Variants in SGPP2 observed in about 807,000 individuals in gnomAD.
SGPP2 encodes sphingosine-1-phosphate phosphatase 2, also known as sphingosine 1-phosphate phosphohydrolase 2.
In SGPP2, 30 loss-of-function variants were observed where a neutral mutation model predicts 33.9. That is an observed-to-expected ratio of 0.89 (90% CI 0.66 to 1.20). SGPP2 has a LOEUF of 1.20. Among genes scored for constraint, SGPP2 ranks in the 50% most tolerant of loss-of-function variants. The pLI, the probability that SGPP2 is intolerant of heterozygous loss-of-function variation, is 0.00. For missense variants in SGPP2, 458 were observed against 532.1 expected (o/e 0.86, Z 1.37); for synonymous variants, 233 against 225.0 (o/e 1.04, Z -0.32).
At chr2:222,452,752 G>C (rs560188139) in intron 1 of SGPP2, 10 of 1,450,584 alleles carry the variant, frequency 6.9e-6, no homozygotes, top group Non-Finnish European at 9.7e-6. Context: ...GTGTTCACCA[G>C]GCATTCCTGG....
chr2:222,452,708 G>C, intron 1 of SGPP2: 1 of 1,377,592 alleles, frequency 7.3e-7, no homozygotes. Flanking sequence ...AATTGCTCCA[G>C]GTCTGGTTGC....
intron 1 of SGPP2, among the ~76,000 whole-genome samples, chr2:222,434,492 GA>G (rs1380707860): frequency 6.6e-6 from 1 of 152,138 alleles, no homozygotes; most frequent in Non-Finnish European, 1.5e-5. Context: ...GGAGTCTTGG[GA>G]AAGGGGGCAG....
At chr2:222,424,930 C>G (rs1697038531) in intron 1 of SGPP2, 109 bp downstream of exon 1, 5 of 897,630 alleles carry the variant, frequency 5.6e-6, no homozygotes, top group South Asian at 3.7e-5. Flanking sequence ...GCGCCGTCCC[C>G]GGCAGTGACC....
intron 1 of SGPP2, among the ~76,000 whole-genome samples, chr2:222,451,815 T>C (rs1697493547): frequency 6.6e-6 from 1 of 152,232 alleles, no homozygotes; most frequent in Non-Finnish European, 1.5e-5. Context: ...TGGAAACTCA[T>C]GGCCTAGCAG....
rs531396373 is a variant in SGPP2, at chr2:222,525,910, G to A, written c.648+877G>A. ...TTTATGGGAAATGTGGGAGAGAGGG[G>A]GCAGAAGGGCAGAAGCTGCAGAGCG... On this transcript the variant is annotated intron_variant, in intron 4 of 4. Transcript: ENST00000321276. Among the ~76,000 whole-genome samples, 8 of 152,244 alleles carry A rather than the reference G, an allele frequency of 5.3e-5. No individual in the cohort carries two copies. In the South Asian group the frequency reaches 1.7e-3, roughly 32 times the overall value.
In SGPP2 at chr2:222,454,733, T is replaced by TAA. The variant is rs78696026; in HGVS notation, c.220-19819_220-19818dup. On this transcript the variant is annotated intron_variant, in intron 1 of 4. Coordinates refer to ENST00000321276, the MANE Select transcript of SGPP2 (RefSeq NM_152386.4). ...CAATTGGACCAAACAGTGGAGCTGT[T>TAA]AAAAAAAAAAAAAAAAACAGGCCAA... 6.4e-3 allele frequency among the ~76,000 whole-genome samples: 755 copies of TAA among 117,924 alleles called. 4 individuals carry two copies. The highest frequency in any genetic ancestry group is 0.022 in the Middle Eastern group (5 of 224). The allele number at this position is 117,924 out of a possible 152,430, so 77.4% of individuals were successfully genotyped here.
At chr2:222,503,396 A>G (rs1207012957) in intron 2 of SGPP2, among the ~76,000 whole-genome samples, 3 of 152,212 alleles carry the variant, frequency 2.0e-5, no homozygotes, top group Non-Finnish European at 4.4e-5. Flanking sequence ...AAGTGTTAAG[A>G]GCGTAGATTT....
intron 1 of SGPP2, among the ~76,000 whole-genome samples, chr2:222,428,363 C>T (rs1319815902): frequency 1.3e-5 from 2 of 152,128 alleles, no homozygotes; most frequent in African/African-American, 2.4e-5. Context: ...AAGCCAGCCT[C>T]GTATATAATG....
chr2:222,433,989 G>A (rs1207306972), intron 1 of SGPP2, among the ~76,000 whole-genome samples: 2 of 152,142 alleles, frequency 1.3e-5, no homozygotes, highest in Admixed American at 1.3e-4. Context: ...TCTTGTTACA[G>A]TTTTCGTTAA....
chr2:222,558,998 A>G lies in SGPP2; in HGVS notation c.*100A>G. 8.5e-7 allele frequency: 1 copy of G among 1,178,476 alleles called. No homozygotes were observed. The highest frequency in any genetic ancestry group is 1.2e-6 in the Non-Finnish European group (1 of 835,650). The allele number at this position is 1,178,476 out of a possible 1,614,324, so 73.0% of individuals were successfully genotyped here. On this transcript the variant is annotated 3_prime_UTR_variant, in exon 5 of 5. Coordinates refer to ENST00000321276, the MANE Select transcript of SGPP2 (RefSeq NM_152386.4). ...GACAACTTATTTTTCTTTAACAACA[A>G]CAAAAAGTCATACGGCTGTCTTGCT...
intron 2 of SGPP2, among the ~76,000 whole-genome samples, chr2:222,497,209 A>G (rs1284063281): frequency 6.7e-6 from 1 of 149,706 alleles, no homozygotes; most frequent in Non-Finnish European, 1.5e-5. Context: ...CCAGAAACCA[A>G]CTTTATTTGC....
At chr2:222,436,404 T>C (rs1401249844) in intron 1 of SGPP2, among the ~76,000 whole-genome samples, 2 of 152,134 alleles carry the variant, frequency 1.3e-5, no homozygotes, top group East Asian at 1.9e-4. Flanking sequence ...AATAGTACCA[T>C]ATATTGGACA....
chr2:222,459,294 A>T (rs1175877111), intron 1 of SGPP2, among the ~76,000 whole-genome samples: 2 of 151,662 alleles, frequency 1.3e-5, no homozygotes, highest in African/African-American at 2.4e-5. Context: ...CTACAGGCAC[A>T]TGCCACCACA....
At chr2:222,433,172 C>T (rs990800973) in intron 1 of SGPP2, among the ~76,000 whole-genome samples, 2 of 152,102 alleles carry the variant, frequency 1.3e-5, no homozygotes, top group African/African-American at 4.8e-5. Flanking sequence ...GAAGCTAAGA[C>T]TTGAGTATGG....
chr2:222,497,832 A>C (rs958206414), intron 2 of SGPP2, among the ~76,000 whole-genome samples: 2 of 152,212 alleles, frequency 1.3e-5, no homozygotes, highest in African/African-American at 4.8e-5. Flanking sequence ...GGAAGAGCAG[A>C]AACCTACTTT....
chr2:222,507,557 T>C (rs575162199), intron 2 of SGPP2, among the ~76,000 whole-genome samples: 97 of 152,326 alleles, frequency 6.4e-4, no homozygotes, highest in African/African-American at 2.3e-3. Flanking sequence ...TTTATAGCAA[T>C]GTGAGGGAGG....
intron 1 of SGPP2, among the ~76,000 whole-genome samples, chr2:222,428,396 T>C (rs977539193): frequency 2.6e-5 from 4 of 152,248 alleles, no homozygotes; most frequent in Admixed American, 2.6e-4. Flanking sequence ...CTAACATTTT[T>C]GCTTACTCAA....
intron 2 of SGPP2, among the ~76,000 whole-genome samples, chr2:222,483,854 C>T (rs1698065699): frequency 6.6e-6 from 1 of 152,164 alleles, no homozygotes; most frequent in Non-Finnish European, 1.5e-5. Context: ...CAAAAGATTG[C>T]CCTGCTTGTT....
chr2:222,496,867 C>G (rs879609640), intron 2 of SGPP2, among the ~76,000 whole-genome samples: 1 of 152,172 alleles, frequency 6.6e-6, no homozygotes, highest in Admixed American at 6.5e-5. Context: ...TTGAACCTGG[C>G]ATCTGGCAGC....
Sources: gnomAD v4.1 joint callset for allele counts (sites outside exome capture counted in the v4.1 genomes callset) on GRCh38, gnomAD v4.1.1 for gene constraint, MANE v1.5 for transcripts, NCBI Gene and HGNC (gene_info 2026-07-23, HGNC 2026-07-21) for gene names.